ENTPD4: variants seen among roughly 807,000 people sequenced by gnomAD.
ENTPD4 encodes Golgi UDPase.
In ENTPD4, 60 loss-of-function variants were observed where a neutral mutation model predicts 79.1. The ratio of observed to expected loss-of-function variants is 0.76; its 90% CI spans 0.62 to 0.94. ENTPD4 has a LOEUF of 0.94. Ranked by LOEUF, ENTPD4 falls within the 40% of genes least tolerant of loss-of-function variation. ENTPD4 has a pLI of 0.00. For synonymous variants in ENTPD4, 276 were observed against 292.0 expected (o/e 0.95, Z 0.56); for missense variants, 772 against 775.1 (o/e 1.00, Z 0.05).
chr8:23,434,980 T>C (rs1257061467), intron 11 of ENTPD4, among the ~76,000 whole-genome samples: 1 of 152,152 alleles, frequency 6.6e-6, no homozygotes, highest in Non-Finnish European at 1.5e-5. Context: ...TGACTTACAA[T>C]GAAAGGGGAT....
Position 23,431,893 on chromosome 8 carries a change from C to T in ENTPD4, c.*1033G>A, listed in dbSNP as rs532682211. On this transcript the variant is annotated 3_prime_UTR_variant, in exon 13 of 13. Coordinates refer to ENST00000358689, the MANE Select transcript of ENTPD4 (RefSeq NM_004901.5). ...ATGGAATAAGGAGCGTAATTACCTG[C>T]GGTCAGGAAAAGATAACAGTAACGA... 29 of 985,200 alleles carry T rather than the reference C, an allele frequency of 2.9e-5. No homozygotes were observed. Among genetic ancestry groups the T allele is most frequent in the East Asian group, 1.1e-4 (1 of 8,834 alleles). The allele number at this position is 985,200 out of a possible 1,614,324, so 61.0% of individuals were successfully genotyped here.
chr8:23,437,764 A>G (rs1800597968), intron 9 of ENTPD4, among the ~76,000 whole-genome samples: 1 of 152,236 alleles, frequency 6.6e-6, no homozygotes, highest in East Asian at 1.9e-4. Flanking sequence ...AGGATTTGGT[A>G]TCAAATTGCC....
chr8:23,443,252 C>T (rs1800705328), intron 6 of ENTPD4, among the ~76,000 whole-genome samples: 11 of 152,062 alleles, frequency 7.2e-5, no homozygotes, highest in Admixed American at 6.5e-4. Context: ...CCTCATAGAA[C>T]AGCTAACTGT....
rs757949788 is a variant in ENTPD4, at chr8:23,441,628, C to A, written c.823G>T (p.Val275Leu). ...RTAGILDMGG[V>L]STQIAYEVPK... is the part of the protein sequence containing the mutation. ...ACTTCGTACGCTATCTGAGTCGACA[C>A]GCCGCCCATGTCGAGAATGCCCGCT... Residue 275 changes from valine (V) to leucine (L), a missense_variant, in exon 8 of 13, where the codon GTG becomes TTG. Physicochemically the swap from Val to Leu is conservative, Grantham distance 32 (BLOSUM62 1). Coordinates refer to ENST00000358689, the MANE Select transcript of ENTPD4 (RefSeq NM_004901.5). 1.9e-6 allele frequency: 3 copies of A among 1,614,068 alleles called. No individual in the cohort carries two copies. Among genetic ancestry groups the A allele is most frequent in the Non-Finnish European group, 2.5e-6 (3 of 1,180,028 alleles).
chr8:23,449,604 T>G (rs1033390731), intron 2 of ENTPD4, among the ~76,000 whole-genome samples: 3 of 152,200 alleles, frequency 2.0e-5, no homozygotes, highest in African/African-American at 7.2e-5. Flanking sequence ...TTCCCCTCAG[T>G]TTATGTCAAG....
In ENTPD4 at chr8:23,441,716, C is replaced by G; in HGVS notation, c.735G>C (p.Glu245Asp). Residue 245 changes from glutamate (E) to aspartate (D), a missense_variant, in exon 8 of 13, where the codon GAG becomes GAC. Glu to Asp is a conservative substitution (Grantham distance 45). Coordinates refer to ENST00000358689, the MANE Select transcript of ENTPD4 (RefSeq NM_004901.5). ...GRFEHIEDDD[E>D]AVVEVNIPGS... ...CAGGAATGTTAACTTCCACAACGGC[C>G]TCATCATCTAGAAAGAACAGAAAGT... The G allele has an allele frequency of 6.2e-7, 1 of 1,613,926 alleles. No homozygotes were observed. The highest frequency in any genetic ancestry group is 8.5e-7 in the Non-Finnish European group (1 of 1,179,996).
chr8:23,444,833 T>A (rs1219999705), intron 4 of ENTPD4, among the ~76,000 whole-genome samples: 3 of 152,180 alleles, frequency 2.0e-5, no homozygotes, highest in African/African-American at 4.8e-5. Flanking sequence ...ACTGAGCATC[T>A]GCTGTGTGTC....
rs1416403157 is a variant in ENTPD4 at position 23,430,369 on chromosome 8, C to T, written c.*2557G>A. On this transcript the variant is annotated 3_prime_UTR_variant, in exon 13 of 13. Coordinates refer to ENST00000358689, the MANE Select transcript of ENTPD4 (RefSeq NM_004901.5). ...AATCCGAAGTGAAATTCTGGTGCAA[C>T]AAATATTTTAAGATTGAAGTTTGGT... 1.0e-6 allele frequency: 1 copy of T among 985,416 alleles called. No homozygotes were observed. Among genetic ancestry groups the T allele is most frequent in the Non-Finnish European group, 1.2e-6 (1 of 829,928 alleles). The allele number at this position is 985,416 out of a possible 1,614,324, so 61.0% of individuals were successfully genotyped here.
At chr8:23,440,717 G>A (rs143885358) in intron 8 of ENTPD4, among the ~76,000 whole-genome samples, 1 of 152,326 alleles carries the variant, frequency 6.6e-6, no homozygotes, top group African/African-American at 2.4e-5. Flanking sequence ...GCCTGGCAGT[G>A]CATTAGATAT....
In ENTPD4 at chr8:23,430,038, G is replaced by A. The variant is rs1800428093; in HGVS notation, c.*2888C>T. On this transcript the variant is annotated 3_prime_UTR_variant, in exon 13 of 13. Coordinates refer to ENST00000358689, the MANE Select transcript of ENTPD4 (RefSeq NM_004901.5). ...TGATAAAGCTTTGGGCAAGTTCCTA[G>A]TCCAATTTCTTCTGCTACAAGTACA... is the stretch of plus-strand genomic sequence containing the variant. The A allele has an allele frequency of 1.0e-6, 1 of 985,322 alleles. No homozygotes were observed. The highest frequency in any genetic ancestry group is 1.7e-5 in the African/African-American group (1 of 57,246). 61.0% of individuals were successfully genotyped at this position (985,322 alleles called of 1,614,324 possible).
chr8:23,449,053 T>A, intron 2 of ENTPD4, 114 bp from the exon 3 acceptor site: 1 of 764,386 alleles, frequency 1.3e-6, no homozygotes, highest in Non-Finnish European at 2.1e-6. Context: ...TCCCTAACTG[T>A]AGGTATCTGT....
chr8:23,447,920 CA>C (rs1800791135), intron 3 of ENTPD4, 35 bp from the exon 4 acceptor site: 1 of 1,548,852 alleles, frequency 6.5e-7, no homozygotes, highest in African/African-American at 1.4e-5. Flanking sequence ...TTGATTTAGA[CA>C]AAGAATATCA....
intron 8 of ENTPD4, 49 bp downstream of exon 8, chr8:23,441,520 G>T (rs753592832): frequency 6.2e-7 from 1 of 1,600,980 alleles, no homozygotes; most frequent in Admixed American, 1.7e-5. Context: ...ATGGACACAC[G>T]TTAAATGAAA....
Position 23,429,979 on chromosome 8 carries a change from T to C in ENTPD4, c.*2947A>G. The C allele has an allele frequency of 1.0e-6, 1 of 985,490 alleles. No individual in the cohort carries two copies. The allele number at this position is 985,490 out of a possible 1,614,324, so 61.0% of individuals were successfully genotyped here. A position where few individuals can be genotyped will look rare whatever the true frequency, so the allele number is the denominator to read the frequency against. On this transcript the variant is annotated 3_prime_UTR_variant, in exon 13 of 13. Transcript: ENST00000358689. The stretch of plus-strand genomic sequence containing the variant: ...GGAACATAAGCACTTATTGCTGGCA[T>C]GTTTCTACCAAGATTGAACACAATG...
chr8:23,432,498 C>G lies in ENTPD4; in HGVS notation c.*428G>C. On this transcript the variant is annotated 3_prime_UTR_variant, in exon 13 of 13. Coordinates refer to ENST00000358689, the MANE Select transcript of ENTPD4 (RefSeq NM_004901.5). The stretch of plus-strand genomic sequence containing the variant: ...ACTTCTAGACAGCAGGGCTTATAAA[C>G]AATGCATTTTTTTTTTTTGAGACGG... 1.0e-6 allele frequency: 1 copy of G among 959,372 alleles called. No individual in the cohort carries two copies. Among genetic ancestry groups the G allele is most frequent in the Non-Finnish European group, 1.2e-6 (1 of 821,672 alleles). The allele number at this position is 959,372 out of a possible 1,614,324, so 59.4% of individuals were successfully genotyped here. A position where few individuals can be genotyped will look rare whatever the true frequency, so the allele number is the denominator to read the frequency against.
chr8:23,455,448 T>G (rs1585413547), intron 1 of ENTPD4, among the ~76,000 whole-genome samples: 1 of 152,216 alleles, frequency 6.6e-6, no homozygotes, highest in South Asian at 2.1e-4. Context: ...GAGGCTGATG[T>G]GGAGGCTGCC....
At position 23,432,746 on chromosome 8, in the gene ENTPD4, C is replaced by T. The variant is rs1417622597; in HGVS notation, c.*180G>A. 1.7e-5 allele frequency: 23 copies of T among 1,344,872 alleles called. No homozygotes were observed. In the East Asian group the frequency reaches 4.7e-4, roughly 28 times the overall value. The allele number at this position is 1,344,872 out of a possible 1,614,324, so 83.3% of individuals were successfully genotyped here. The stretch of plus-strand genomic sequence containing the variant: ...ATCTCCTGACCTCATGATCCGCCCG[C>T]CTCGGCCTCCCAAAGTGCTGGGATT... On this transcript the variant is annotated 3_prime_UTR_variant, in exon 13 of 13. Transcript: ENST00000358689.
intron 9 of ENTPD4, among the ~76,000 whole-genome samples, chr8:23,439,402 C>T (rs963770613): frequency 6.6e-5 from 10 of 152,306 alleles, no homozygotes; most frequent in African/African-American, 1.9e-4. Context: ...CAGGACACCA[C>T]GAGTGCTCCA....
Position 23,431,040 on chromosome 8 carries a change from C to T in ENTPD4, c.*1886G>A. The T allele has an allele frequency of 1.1e-6, 1 of 913,286 alleles. No homozygotes were observed. The allele number at this position is 913,286 out of a possible 1,614,324, so 56.6% of individuals were successfully genotyped here. On this transcript the variant is annotated 3_prime_UTR_variant, in exon 13 of 13. Coordinates refer to ENST00000358689, the MANE Select transcript of ENTPD4 (RefSeq NM_004901.5). ...AATCCAGGTGAGGGAGCCATGCCCCCACAGCTCTTGCCTCAAGGATCAGAT... is the reference window on the plus strand; with the variant it reads ...AATCCAGGTGAGGGAGCCATGCCCCTACAGCTCTTGCCTCAAGGATCAGAT...
Sources: gnomAD v4.1 joint callset for allele counts (sites outside exome capture counted in the v4.1 genomes callset) on GRCh38, gnomAD v4.1.1 for gene constraint, MANE v1.5 for transcripts, NCBI Gene and HGNC (gene_info 2026-07-23, HGNC 2026-07-21) for gene names.